The following PTGFR variants were observed in gnomAD, a reference collection of about 807,000 sequenced individuals.
PTGFR encodes prostaglandin F2-alpha receptor.
PTGFR carries 15 observed loss-of-function variants against 26.2 expected under a neutral mutation model. That is an observed-to-expected ratio of 0.57 (90% CI 0.38 to 0.88). The LOEUF (loss-of-function observed/expected upper bound fraction) is 0.88. Ranked by LOEUF, PTGFR falls within the 40% of genes least tolerant of loss-of-function variation. The probability of loss-of-function intolerance (pLI) is 0.00; values close to 1 mark genes in which losing one functional copy is unlikely to be tolerated. For missense variants in PTGFR, 369 were observed against 427.2 expected, an observed-to-expected ratio of 0.86 and a Z score of 1.20; for synonymous variants, 165 against 151.1, an observed-to-expected ratio of 1.09 and a Z score of -0.68.
intron 2 of PTGFR, among the ~76,000 whole-genome samples, chr1:78,521,467 G>A (rs1183510792): frequency 1.3e-5 from 2 of 152,014 alleles, no homozygotes; most frequent in Admixed American, 6.6e-5. Flanking sequence ...TACTAACAAA[G>A]TTATGTGTGT....
intron 2 of PTGFR, among the ~76,000 whole-genome samples, chr1:78,535,755 C>A (rs1650629122): frequency 6.6e-6 from 1 of 152,086 alleles, no homozygotes. Context: ...CACATGAAAT[C>A]ACAAAATACA....
chr1:78,501,189 CA>C (rs1331590857), intron 2 of PTGFR, among the ~76,000 whole-genome samples: 3 of 152,058 alleles, frequency 2.0e-5, no homozygotes, highest in Non-Finnish European at 4.4e-5. Context: ...CATTAAGCTC[CA>C]AAACATTTGA....
At chr1:78,519,697 G>A (rs969432019) in intron 2 of PTGFR, among the ~76,000 whole-genome samples, 1 of 152,110 alleles carries the variant, frequency 6.6e-6, no homozygotes, top group African/African-American at 2.4e-5. Context: ...AGAATCCTGT[G>A]AACAAGTGCC....
chr1:78,518,831 C>A (rs1040204378), intron 2 of PTGFR, among the ~76,000 whole-genome samples: 7 of 151,896 alleles, frequency 4.6e-5, no homozygotes, highest in African/African-American at 1.5e-4. Context: ...TTCCATAAGG[C>A]CTTAAAATAT....
At chr1:78,515,272 T>C (rs1650067276) in intron 2 of PTGFR, among the ~76,000 whole-genome samples, 1 of 152,190 alleles carries the variant, frequency 6.6e-6, no homozygotes, top group Admixed American at 6.5e-5. Context: ...CCTTACTCAA[T>C]GACTGGCCTA....
intron 2 of PTGFR, among the ~76,000 whole-genome samples, chr1:78,504,007 A>G (rs1338430911): frequency 6.6e-6 from 1 of 152,198 alleles, no homozygotes; most frequent in Non-Finnish European, 1.5e-5. Context: ...CAAGGCAATT[A>G]GGGCAGCAGA....
In PTGFR at chr1:78,493,508, G is replaced by A; in HGVS notation, c.765G>A (p.Met255Ile). The part of the protein sequence containing the change: ...LEMVIQLLAI[M>I]CVSCICWSPF... ...TGGTAATCCAGCTCCTGGCGATAAT[G>A]TGTGTCTCCTGTATTTGTTGGAGCC... The change falls in exon 2 of 3, where the codon ATG becomes ATA. Residue 255 changes from methionine (M) to isoleucine (I), a missense_variant. By Grantham distance (10) the Met-to-Ile change is conservative. Transcript: ENST00000370757. The A allele has an allele frequency of 6.4e-7, 1 of 1,563,884 alleles. No individual in the cohort carries two copies. The highest frequency in any genetic ancestry group is 8.6e-7 in the Non-Finnish European group (1 of 1,156,706).
intron 2 of PTGFR, among the ~76,000 whole-genome samples, chr1:78,530,549 C>T (rs114992196): frequency 6.4e-4 from 97 of 152,200 alleles, no homozygotes; most frequent in African/African-American, 2.3e-3. Flanking sequence ...GTCATCATCT[C>T]CAACTATTCA....
At chr1:78,508,130 A>T (rs1030038181) in intron 2 of PTGFR, among the ~76,000 whole-genome samples, 10 of 150,980 alleles carry the variant, frequency 6.6e-5, no homozygotes, top group East Asian at 2.0e-4. Context: ...GAAATGTTCT[A>T]TTTTCTTTTT....
Position 78,539,476 on chromosome 1 carries a change from C to G in PTGFR, c.*2789C>G, listed in dbSNP as rs1233902878. ...AATGCTGGGAATATACATTTTATTA[C>G]TTCTTAATCTGGGTGTCAAAGATTT... On this transcript the variant is annotated 3_prime_UTR_variant, in exon 3 of 3. Coordinates refer to ENST00000370757, the MANE Select transcript of PTGFR (RefSeq NM_000959.4). 6.6e-6 allele frequency: 1 copy of G among 152,416 alleles called. No individual in the cohort carries two copies. Among genetic ancestry groups the G allele is most frequent in the Non-Finnish European group, 1.5e-5 (1 of 67,994 alleles). The allele number at this position is 152,416 out of a possible 1,614,324, so 9.4% of individuals were successfully genotyped here. A position where few individuals can be genotyped will look rare whatever the true frequency, so the allele number is the denominator to read the frequency against.
chr1:78,524,906 A>ATTTTTT lies in PTGFR; in HGVS notation c.799-11471_799-11466dup, dbSNP rs35641651. On this transcript the variant is annotated intron_variant, in intron 2 of 2. Transcript: ENST00000370757. ...GCTCTACACTTTGGACAAATGCAAGATTTTTTTTTTTTTTTTTTTTTTTTT... is the reference window on the plus strand; with the variant it reads ...GCTCTACACTTTGGACAAATGCAAGATTTTTTTTTTTTTTTTTTTTTTTTTTTTTTT... 4.8e-3 allele frequency among the ~76,000 whole-genome samples: 339 copies of ATTTTTT among 70,424 alleles called. 1 individual carries two copies. The highest frequency in any genetic ancestry group is 0.012 in the Middle Eastern group (1 of 84). The allele number at this position is 70,424 out of a possible 152,430, so 46.2% of individuals were successfully genotyped here. A position where few individuals can be genotyped will look rare whatever the true frequency, so the allele number is the denominator to read the frequency against.
chr1:78,504,201 T>G (rs1372098494), intron 2 of PTGFR, among the ~76,000 whole-genome samples: 1 of 152,192 alleles, frequency 6.6e-6, no homozygotes, highest in Non-Finnish European at 1.5e-5. Flanking sequence ...AAAATTTCAT[T>G]GTAAAAAATT....
At chr1:78,518,989 T>C (rs1167711192) in intron 2 of PTGFR, among the ~76,000 whole-genome samples, 3 of 152,184 alleles carry the variant, frequency 2.0e-5, no homozygotes, top group African/African-American at 7.2e-5. Context: ...AAAGGATCAG[T>C]ATTCATTCCC....
intron 2 of PTGFR, among the ~76,000 whole-genome samples, chr1:78,504,612 T>G (rs1187292136): frequency 6.6e-6 from 1 of 152,210 alleles, no homozygotes; most frequent in East Asian, 1.9e-4. Context: ...GATTGTTTCA[T>G]GTTTAAAAAA....
intron 2 of PTGFR, among the ~76,000 whole-genome samples, chr1:78,533,941 T>A (rs1317229384): frequency 6.6e-6 from 1 of 152,186 alleles, no homozygotes; most frequent in Non-Finnish European, 1.5e-5. Context: ...AATGAACATA[T>A]ACTATCCTTC....
At chr1:78,518,599 C>G (rs1650150011) in intron 2 of PTGFR, among the ~76,000 whole-genome samples, 1 of 149,912 alleles carries the variant, frequency 6.7e-6, no homozygotes, top group Non-Finnish European at 1.5e-5. Flanking sequence ...CACACACACA[C>G]ACACACACAC....
chr1:78,495,606 G>A (rs796134572), intron 2 of PTGFR, among the ~76,000 whole-genome samples: 4 of 152,262 alleles, frequency 2.6e-5, no homozygotes, highest in African/African-American at 7.2e-5. Flanking sequence ...GACATAATCC[G>A]GACAACTGAG....
intron 2 of PTGFR, among the ~76,000 whole-genome samples, chr1:78,529,014 C>T (rs928417131): frequency 6.6e-6 from 1 of 152,120 alleles, no homozygotes; most frequent in Non-Finnish European, 1.5e-5. Flanking sequence ...AAGACCTACA[C>T]ACATTTCAAT....
Position 78,524,589 on chromosome 1 carries a change from T to A in PTGFR, c.799-11817T>A, listed in dbSNP as rs79697812. 4.9e-4 allele frequency among the ~76,000 whole-genome samples: 74 copies of A among 152,186 alleles called. 1 individual carries two copies. In the East Asian group the frequency reaches 0.014, roughly 28 times the overall value. On this transcript the variant is annotated intron_variant, in intron 2 of 2. Coordinates refer to ENST00000370757, the MANE Select transcript of PTGFR (RefSeq NM_000959.4). ...CTTTCTCACTGGCAATACAACCTGA[T>A]CAGAATTTATCTACCTTAGCTAGTG...
Sources: allele counts gnomAD v4.1 joint callset (sites outside exome capture counted in the v4.1 genomes callset), GRCh38; gene constraint gnomAD v4.1.1; transcripts MANE v1.5; gene names NCBI Gene and HGNC (gene_info 2026-07-23, HGNC 2026-07-21).